The following RBM27 variants were observed in gnomAD, a reference collection of about 807,000 sequenced individuals.
RBM27 encodes RNA-binding protein 27.
Under a neutral mutation model 135.3 loss-of-function variants are expected in RBM27, and 22 were observed. That is an observed-to-expected ratio of 0.16 (90% CI 0.12 to 0.23). The LOEUF is 0.23. Ranked by LOEUF, RBM27 falls within the 10% of genes least tolerant of loss-of-function variation. The probability of loss-of-function intolerance (pLI) is 1.00; values close to 1 mark genes in which losing one functional copy is unlikely to be tolerated. For synonymous variants in RBM27, 481 were observed against 442.4 expected (o/e 1.09, Z -1.10); for missense variants, 1,009 against 1,281.0 (o/e 0.79, Z 3.24).
intron 7 of RBM27, among the ~76,000 whole-genome samples, chr5:146,235,755 C>T (rs578103045): frequency 6.6e-6 from 1 of 151,866 alleles, no homozygotes; most frequent in African/African-American, 2.4e-5. Context: ...TCTTGGCTCA[C>T]GACTCACTGC....
intron 19 of RBM27, among the ~76,000 whole-genome samples, chr5:146,277,132 A>G (rs1329730533): frequency 6.6e-6 from 1 of 152,208 alleles, no homozygotes; most frequent in Non-Finnish European, 1.5e-5. Context: ...TTTTTCTCTT[A>G]ATTTTGAAAA....
At chr5:146,255,304 T>C (rs566676354) in intron 10 of RBM27, among the ~76,000 whole-genome samples, 1 of 152,362 alleles carries the variant, frequency 6.6e-6, no homozygotes, top group East Asian at 1.9e-4. Flanking sequence ...TATATTTGTT[T>C]TTAAATGCAA....
At chr5:146,247,286 G>T (rs1283181952) in intron 8 of RBM27, among the ~76,000 whole-genome samples, 1 of 152,124 alleles carries the variant, frequency 6.6e-6, no homozygotes, top group Non-Finnish European at 1.5e-5. Flanking sequence ...TATCTTTGAA[G>T]ATAAGAATTA....
At chr5:146,255,206 T>G in intron 10 of RBM27, 114 bp downstream of exon 10, 1 of 879,460 alleles carries the variant, frequency 1.1e-6, no homozygotes. Context: ...ATTACTTATA[T>G]ATTATCTCTT....
intron 17 of RBM27, 30 bp downstream of exon 17, chr5:146,269,614 G>A (rs1758774861): frequency 1.4e-6 from 2 of 1,447,306 alleles, no homozygotes; most frequent in African/African-American, 1.5e-5. Flanking sequence ...ATTTAACATA[G>A]GGTTATTGAA....
At chr5:146,229,960 C>CT (rs1756862167) in intron 5 of RBM27, 50 bp downstream of exon 5, 1 of 1,594,088 alleles carries the variant, frequency 6.3e-7, no homozygotes, top group African/African-American at 1.3e-5. Context: ...TTATCTGTCT[C>CT]TATCACAGGG....
At chr5:146,234,888 G>C (rs1054610945) in intron 7 of RBM27, among the ~76,000 whole-genome samples, 5 of 151,716 alleles carry the variant, frequency 3.3e-5, no homozygotes, top group Non-Finnish European at 7.4e-5. Context: ...ACAAAAATTA[G>C]CCAGGCATGG....
intron 19 of RBM27, among the ~76,000 whole-genome samples, chr5:146,273,206 AATCT>A (rs1475597921): frequency 6.6e-6 from 1 of 152,102 alleles, no homozygotes; most frequent in Non-Finnish European, 1.5e-5. Context: ...AAAAATAGTT[AATCT>A]TACTAGGGAG....
Position 146,255,160 on chromosome 5 carries a change from G to C in RBM27, c.1594+68G>C, listed in dbSNP as rs988123876. The C allele has an allele frequency of 5.0e-6, 7 of 1,402,094 alleles. No individual in the cohort carries two copies. The Admixed American group carries it at 1.1e-4, about 21-fold the overall frequency. The allele number at this position is 1,402,094 out of a possible 1,614,324, so 86.9% of individuals were successfully genotyped here. A position where few individuals can be genotyped will look rare whatever the true frequency, so the allele number is the denominator to read the frequency against. On this transcript the variant is annotated intron_variant, in intron 10 of 20. Coordinates refer to ENST00000265271, the MANE Select transcript of RBM27 (RefSeq NM_018989.2). ...GTAGTTGGATATAGTTATTACATTTGCATTTCTGGCCTAGCTTGAGGAAAT... is the reference window on the plus strand; with the variant it reads ...GTAGTTGGATATAGTTATTACATTTCCATTTCTGGCCTAGCTTGAGGAAAT...
chr5:146,277,099 T>C (rs545902239), intron 19 of RBM27, among the ~76,000 whole-genome samples: 2 of 152,212 alleles, frequency 1.3e-5, no homozygotes, highest in South Asian at 4.1e-4. Context: ...TACAAAGACA[T>C]TGAAACTCTA....
chr5:146,235,033 AAAATAAATAAATAAAT>A (rs59434635), intron 7 of RBM27, among the ~76,000 whole-genome samples: 11 of 139,462 alleles, frequency 7.9e-5, no homozygotes, highest in African/African-American at 1.1e-4. Context: ...CCCTGTCTCA[AAAATAAATAAATAAAT>A]AAATAAATAA....
chr5:146,269,117 A>T (rs987724976), intron 15 of RBM27, 90 bp from the exon 16 acceptor site: 1 of 772,656 alleles, frequency 1.3e-6, no homozygotes, highest in African/African-American at 1.7e-5. Context: ...TATTAGGAGG[A>T]CAGTCTGTCT....
intron 6 of RBM27, among the ~76,000 whole-genome samples, chr5:146,231,486 T>C (rs1306977677): frequency 1.3e-5 from 2 of 152,124 alleles, no homozygotes; most frequent in African/African-American, 2.4e-5. Context: ...ATTAAGAGAA[T>C]ATTTAAATTT....
At chr5:146,277,117 G>C (rs949656446) in intron 19 of RBM27, among the ~76,000 whole-genome samples, 3 of 152,184 alleles carry the variant, frequency 2.0e-5, no homozygotes, top group Admixed American at 2.0e-4. Context: ...CTAAACTGCT[G>C]TAATTTTTTC....
chr5:146,243,194 A>T (rs922652773), intron 8 of RBM27, among the ~76,000 whole-genome samples: 2 of 152,160 alleles, frequency 1.3e-5, no homozygotes, highest in African/African-American at 4.8e-5. Flanking sequence ...TGAGCCTGGG[A>T]GGCAGAGGTT....
At chr5:146,284,296 C>A (rs35947468) in intron 19 of RBM27, among the ~76,000 whole-genome samples, 57,702 of 151,800 alleles carry the variant, frequency 0.38, 11,540 homozygotes, top group African/African-American at 0.49. Context: ...AGGTCAATAC[C>A]TGTATTAAGA....
chr5:146,241,086 G>A (rs1757392409), intron 8 of RBM27, among the ~76,000 whole-genome samples: 1 of 152,060 alleles, frequency 6.6e-6, no homozygotes, highest in Admixed American at 6.6e-5. Flanking sequence ...ATTCCAGAGT[G>A]TGTTGCAGAT....
In RBM27 at chr5:146,270,965, G is replaced by T; in HGVS notation, c.2703G>T (p.Glu901Asp). Reference sequence around the variant, plus strand: ...CAATTTTTCCAAAGGCCCAGAAGGAGTTATTAGATACTGAACTGGACCTCC... The same window carrying T: ...CAATTTTTCCAAAGGCCCAGAAGGATTTATTAGATACTGAACTGGACCTCC... ...KVKTKTEAQK[E>D]LLDTELDLHK... The change falls in exon 18 of 21, where the codon GAG becomes GAT. Residue 901 changes from glutamate to aspartate, a missense_variant. Glu to Asp is a conservative substitution (Grantham distance 45). Transcript: ENST00000265271. 1 of 1,610,838 alleles carries T rather than the reference G, an allele frequency of 6.2e-7. No individual in the cohort carries two copies. The highest frequency in any genetic ancestry group is 1.1e-5 in the South Asian group (1 of 90,994).
At chr5:146,271,102 C>G in intron 18 of RBM27, 44 bp downstream of exon 18, 1 of 1,503,370 alleles carries the variant, frequency 6.7e-7, no homozygotes, top group Non-Finnish European at 9.2e-7. Flanking sequence ...TTTAACGTCT[C>G]AAAAAAGTTT....
Sources: gnomAD v4.1 joint callset for allele counts (sites outside exome capture counted in the v4.1 genomes callset) on GRCh38, gnomAD v4.1.1 for gene constraint, MANE v1.5 for transcripts, NCBI Gene and HGNC (gene_info 2026-07-23, HGNC 2026-07-21) for gene names.